Variants in KRIT1 observed in about 807,000 individuals in gnomAD.
KRIT1 encodes the protein KRIT1 ankyrin repeat containing, also known as krev interaction trapped protein 1.
Under a neutral mutation model 95.8 loss-of-function variants are expected in KRIT1, and 45 were observed. The observed-to-expected ratio is 0.47, with a 90% CI of 0.37 to 0.60. The LOEUF (loss-of-function observed/expected upper bound fraction) is 0.60, where lower values mean the gene tolerates loss of function less well. Ranked by LOEUF, KRIT1 falls within the 20% of genes least tolerant of loss-of-function variation. The pLI, the probability that KRIT1 is intolerant of heterozygous loss-of-function variation, is 0.00. For synonymous variants in KRIT1, 282 were observed against 278.8 expected, an observed-to-expected ratio of 1.01 and a Z score of -0.11; for missense variants, 788 against 877.5, an observed-to-expected ratio of 0.90 and a Z score of 1.29.
At position 92,235,435 on chromosome 7, in the gene KRIT1, A is replaced by G; in HGVS notation, c.697T>C (p.Leu233=). 1 of 1,613,838 alleles carries G rather than the reference A, an allele frequency of 6.2e-7. No homozygotes were observed. The highest frequency in any genetic ancestry group is 8.5e-7 in the Non-Finnish European group (1 of 1,179,726). Reference sequence around the variant, plus strand: ...GTATACTGAAGATCTGATCCAAACAAAGGGTTGTAAATACAGGTATCTGCT... The same window carrying G: ...GTATACTGAAGATCTGATCCAAACAGAGGGTTGTAAATACAGGTATCTGCT... The part of the protein sequence containing the change: ...EKADTCIYNP[L]FGSDLQYTNR... The change falls in exon 8 of 19, where the codon TTG becomes CTG. Residue 233 remains leucine (L), a synonymous_variant. Transcript: ENST00000394505.
intron 10 of KRIT1, among the ~76,000 whole-genome samples, chr7:92,233,881 T>C (rs547843742): frequency 2.6e-5 from 4 of 152,102 alleles, no homozygotes; most frequent in South Asian, 2.1e-4. Flanking sequence ...AAAATAATTA[T>C]GTGAGAGGAG....
chr7:92,217,737 T>C (rs1794283595), intron 14 of KRIT1, among the ~76,000 whole-genome samples: 1 of 152,202 alleles, frequency 6.6e-6, no homozygotes, highest in African/African-American at 2.4e-5. Context: ...CATACGAATA[T>C]GTTTGAGTCC....
chr7:92,206,641 T>C (rs1791553697), intron 17 of KRIT1: 1 of 151,984 alleles, frequency 6.6e-6, no homozygotes, highest in Non-Finnish European at 1.5e-5. Flanking sequence ...TGTACAGATA[T>C]AAATATAACG....
chr7:92,226,602 G>T lies in KRIT1; in HGVS notation c.1070C>A (p.Ser357Tyr). ...NPNLLNGQLS[S>Y]PLHFAAGGGH... ...TCCTCCAGCAGCAAAATGAAGAGGAGAACTAAGTTGTCCATTTAAAAGGTT... is the reference window on the plus strand; with the variant it reads ...TCCTCCAGCAGCAAAATGAAGAGGATAACTAAGTTGTCCATTTAAAAGGTT... Residue 357 changes from serine to tyrosine, a missense_variant, in exon 11 of 19, where the codon TCT (serine) becomes TAT (tyrosine). Ser to Tyr is a moderately radical substitution (Grantham distance 144). Transcript: ENST00000394505. 1 of 1,611,132 alleles carries T rather than the reference G, an allele frequency of 6.2e-7. No individual in the cohort carries two copies. The highest frequency in any genetic ancestry group is 8.5e-7 in the Non-Finnish European group (1 of 1,177,484).
At chr7:92,232,492 T>C (rs552494913) in intron 10 of KRIT1, among the ~76,000 whole-genome samples, 2 of 151,260 alleles carry the variant, frequency 1.3e-5, no homozygotes, top group South Asian at 2.1e-4. Flanking sequence ...GTTGAAAATA[T>C]TACCATTCTT....
intron 10 of KRIT1, among the ~76,000 whole-genome samples, chr7:92,232,640 C>A (rs943349370): frequency 1.6e-4 from 25 of 151,980 alleles, no homozygotes. Flanking sequence ...TTTTTGGAAT[C>A]TGAACTATAT....
rs1270131426 is a variant in KRIT1 at position 92,199,485 on chromosome 7, G to A, written c.*1251C>T. The A allele has an allele frequency of 6.6e-6, 1 of 152,154 alleles. No homozygotes were observed. Among genetic ancestry groups the A allele is most frequent in the East Asian group, 1.9e-4 (1 of 5,200 alleles). The allele number at this position is 152,154 out of a possible 1,614,324, so 9.4% of individuals were successfully genotyped here. On this transcript the variant is annotated 3_prime_UTR_variant, in exon 19 of 19. Coordinates refer to ENST00000394505, the MANE Select transcript of KRIT1 (RefSeq NM_194454.3). ...AGCTTATGAATAGCACATTCATCAAGTTGGCTCTTCATCTATATCACTACT... is the reference window on the plus strand; with the variant it reads ...AGCTTATGAATAGCACATTCATCAAATTGGCTCTTCATCTATATCACTACT...
chr7:92,230,682 G>C (rs575564740), intron 10 of KRIT1, among the ~76,000 whole-genome samples: 3 of 152,052 alleles, frequency 2.0e-5, no homozygotes, highest in Non-Finnish European at 2.9e-5. Context: ...GAAGAAAGTA[G>C]GTGTGGAAAA....
intron 17 of KRIT1, among the ~76,000 whole-genome samples, chr7:92,210,087 A>C (rs1427113553): frequency 6.6e-6 from 1 of 152,160 alleles, no homozygotes; most frequent in African/African-American, 2.4e-5. Context: ...TCAATCAATC[A>C]ATCAATAAAA....
At position 92,200,560 on chromosome 7, in the gene KRIT1, C is replaced by T. The variant is rs958761823; in HGVS notation, c.*176G>A. On this transcript the variant is annotated 3_prime_UTR_variant, in exon 19 of 19. Transcript: ENST00000394505. ...TAGAGACAGGGTTTCACCATGTTGG[C>T]CAGGCTGGTCTTGAACTCTGACTTC... 11 of 611,874 alleles carry T rather than the reference C, an allele frequency of 1.8e-5. No homozygotes were observed. Among genetic ancestry groups the T allele is most frequent in the Non-Finnish European group, 3.0e-5 (10 of 335,710 alleles). The allele number at this position is 611,874 out of a possible 1,614,324, so 37.9% of individuals were successfully genotyped here.
At chr7:92,231,182 G>T (rs1797211480) in intron 10 of KRIT1, among the ~76,000 whole-genome samples, 1 of 152,136 alleles carries the variant, frequency 6.6e-6, no homozygotes, top group Non-Finnish European at 1.5e-5. Flanking sequence ...TTACTGAGTG[G>T]CTGTTAAGTT....
intron 4 of KRIT1, among the ~76,000 whole-genome samples, 173 bp downstream of exon 4, chr7:92,241,861 A>G (rs934796445): frequency 6.6e-6 from 1 of 152,238 alleles, no homozygotes; most frequent in African/African-American, 2.4e-5. Flanking sequence ...ACATGTCAAT[A>G]AACAGCAAAT....
intron 17 of KRIT1, among the ~76,000 whole-genome samples, chr7:92,202,789 T>C (rs1000786709): frequency 6.6e-6 from 1 of 152,194 alleles, no homozygotes; most frequent in Non-Finnish European, 1.5e-5. Flanking sequence ...TATGTGAGTA[T>C]ACATTAAGTA....
intron 11 of KRIT1, 68 bp downstream of exon 11, chr7:92,226,458 C>T: frequency 2.6e-6 from 3 of 1,166,940 alleles, no homozygotes; most frequent in Non-Finnish European, 3.9e-6. Context: ...TACAATTTAA[C>T]ATTTTAGTGT....
intron 14 of KRIT1, 151 bp downstream of exon 14, chr7:92,221,751 G>T: frequency 1.5e-6 from 1 of 670,908 alleles, no homozygotes; most frequent in Non-Finnish European, 2.6e-6. Flanking sequence ...CAAGGGCTTT[G>T]TAAGTAGATC....
chr7:92,212,458 G>C (rs548239583), intron 17 of KRIT1, among the ~76,000 whole-genome samples: 2 of 152,276 alleles, frequency 1.3e-5, no homozygotes, highest in South Asian at 4.1e-4. Context: ...TTGGGAGGTA[G>C]AGCCTTTGAG....
At chr7:92,214,246 C>T (rs1318271790) in intron 15 of KRIT1, among the ~76,000 whole-genome samples, 1 of 151,936 alleles carries the variant, frequency 6.6e-6, no homozygotes, top group Admixed American at 6.6e-5. Flanking sequence ...TGCTTAAAAC[C>T]TCAGTGTTTT....
chr7:92,219,230 G>A (rs1794634338), intron 14 of KRIT1, among the ~76,000 whole-genome samples: 1 of 152,102 alleles, frequency 6.6e-6, no homozygotes. Context: ...TAGAACTCCT[G>A]TCCTCAAGTG....
chr7:92,216,614 A>G (rs1015233241), intron 14 of KRIT1, among the ~76,000 whole-genome samples: 13 of 152,172 alleles, frequency 8.5e-5, no homozygotes, highest in Non-Finnish European at 1.6e-4. Flanking sequence ...GCACGTCAAA[A>G]TATGTAGGAA....
Sources: allele counts gnomAD v4.1 joint callset (sites outside exome capture counted in the v4.1 genomes callset), GRCh38; gene constraint gnomAD v4.1.1; transcripts MANE v1.5; gene names NCBI Gene and HGNC (gene_info 2026-07-23, HGNC 2026-07-21).